NSMCE2: variants seen among roughly 807,000 people sequenced by gnomAD.
The protein encoded by NSMCE2 is E3 SUMO-protein ligase NSE2.
NSMCE2 carries 24 observed loss-of-function variants against 23.8 expected under a neutral mutation model. The observed-to-expected ratio is 1.01, with a 90% CI of 0.73 to 1.42. NSMCE2 has a LOEUF of 1.42. Among genes scored for constraint, NSMCE2 ranks in the 40% most tolerant of loss-of-function variants. The pLI, the probability that NSMCE2 is intolerant of heterozygous loss-of-function variation, is 0.00. For missense variants in NSMCE2, 284 were observed against 296.5 expected (o/e 0.96, Z 0.31); for synonymous variants, 92 against 94.1 (o/e 0.98, Z 0.13).
intron 5 of NSMCE2, among the ~76,000 whole-genome samples, chr8:125,269,580 G>A (rs1419440791): frequency 6.6e-6 from 1 of 152,162 alleles, no homozygotes; most frequent in Non-Finnish European, 1.5e-5. Flanking sequence ...TACAGCAGGG[G>A]TCTGATGAAT....
At chr8:125,166,106 T>C (rs1821862154) in intron 4 of NSMCE2, among the ~76,000 whole-genome samples, 1 of 152,216 alleles carries the variant, frequency 6.6e-6, no homozygotes, top group Admixed American at 6.5e-5. Context: ...TGTGGTATAG[T>C]GTAAAGACAA....
chr8:125,236,244 C>G (rs1282628979), intron 5 of NSMCE2, among the ~76,000 whole-genome samples: 1 of 151,980 alleles, frequency 6.6e-6, no homozygotes, highest in African/African-American at 2.4e-5. Flanking sequence ...TAGTTATAGA[C>G]CTGGTGGTAG....
chr8:125,101,463 A>C (rs1358395754), intron 1 of NSMCE2, among the ~76,000 whole-genome samples: 1 of 152,210 alleles, frequency 6.6e-6, no homozygotes, highest in African/African-American at 2.4e-5. Flanking sequence ...AGCAGTCTTC[A>C]TGTTATGTCT....
intron 5 of NSMCE2, among the ~76,000 whole-genome samples, chr8:125,311,126 C>T (rs1828958377): frequency 6.6e-6 from 1 of 152,138 alleles, no homozygotes; most frequent in Non-Finnish European, 1.5e-5. Context: ...GCTCTGGGGA[C>T]CATATTGAGG....
chr8:125,349,062 C>T (rs1338801229), intron 5 of NSMCE2, among the ~76,000 whole-genome samples: 1 of 135,842 alleles, frequency 7.4e-6, no homozygotes, highest in Admixed American at 7.5e-5. Flanking sequence ...CACACACACA[C>T]AGAGCTCTTA....
intron 5 of NSMCE2, among the ~76,000 whole-genome samples, chr8:125,313,186 G>A: frequency 7.4e-6 from 1 of 135,470 alleles, no homozygotes; most frequent in Non-Finnish European, 1.6e-5. Context: ...GAAGGAAGGA[G>A]AAAGAAAGAG....
chr8:125,258,841 C>T (rs1371128279), intron 5 of NSMCE2, among the ~76,000 whole-genome samples: 1 of 152,194 alleles, frequency 6.6e-6, no homozygotes, highest in Non-Finnish European at 1.5e-5. Context: ...TTCCTTGGTA[C>T]AAGACATTGT....
In NSMCE2 at chr8:125,225,322, C is replaced by T. The variant is rs534056489; in HGVS notation, c.418+43066C>T. Among the ~76,000 whole-genome samples the T allele has an allele frequency of 4.6e-4, 70 of 152,298 alleles. 1 individual carries two copies. The highest frequency in any genetic ancestry group is 1.4e-3 in the African/African-American group (58 of 41,562). ...CAGTGGGTCTCCTTTCATCTTGTGG[C>T]TCTTTTAAGCTCTCTAACAACCTCT... On this transcript the variant is annotated intron_variant, in intron 5 of 7. Coordinates refer to ENST00000287437, the MANE Select transcript of NSMCE2 (RefSeq NM_173685.4).
chr8:125,337,328 A>G (rs185466817), intron 5 of NSMCE2, among the ~76,000 whole-genome samples: 143 of 152,328 alleles, frequency 9.4e-4, no homozygotes, highest in Non-Finnish European at 1.7e-3. Context: ...TCTTCTTTGT[A>G]GTCCATTGAC....
intron 5 of NSMCE2, among the ~76,000 whole-genome samples, chr8:125,313,966 A>G (rs1169824839): frequency 6.6e-6 from 1 of 152,208 alleles, no homozygotes; most frequent in Non-Finnish European, 1.5e-5. Context: ...TGCATGAGCA[A>G]CTTTAGGCTA....
chr8:125,260,783 C>T (rs1826659573), intron 5 of NSMCE2, among the ~76,000 whole-genome samples: 1 of 151,684 alleles, frequency 6.6e-6, no homozygotes, highest in African/African-American at 2.4e-5. Flanking sequence ...CACCACCACA[C>T]CCAGCTAATT....
intron 3 of NSMCE2, among the ~76,000 whole-genome samples, chr8:125,128,364 A>G (rs555473979): frequency 1.3e-4 from 20 of 152,232 alleles, no homozygotes; most frequent in African/African-American, 4.1e-4. Context: ...GTGGTAAGGG[A>G]TTGATGAGAA....
In NSMCE2 at chr8:125,242,775, C is replaced by A. The variant is rs560519321; in HGVS notation, c.418+60519C>A. ...ACTAGAGAACAGAGTCCCCCACTCA[C>A]AGCACAAACGCATACCCATGCGATG... On this transcript the variant is annotated intron_variant, in intron 5 of 7. Coordinates refer to ENST00000287437, the MANE Select transcript of NSMCE2 (RefSeq NM_173685.4). 7.7e-4 allele frequency among the ~76,000 whole-genome samples: 118 copies of A among 152,292 alleles called. 4 individuals are homozygous for A. In the South Asian group the frequency reaches 0.019, roughly 25 times the overall value.
intron 3 of NSMCE2, among the ~76,000 whole-genome samples, chr8:125,116,532 G>A (rs2130463937): frequency 6.6e-6 from 1 of 152,308 alleles, no homozygotes; most frequent in South Asian, 2.1e-4. Flanking sequence ...ATTATGGATA[G>A]TTGCTTTTAT....
intron 5 of NSMCE2, among the ~76,000 whole-genome samples, chr8:125,352,726 C>T (rs1813091167): frequency 6.6e-6 from 1 of 152,140 alleles, no homozygotes; most frequent in African/African-American, 2.4e-5. Context: ...TTTTCTCTCC[C>T]ATCTTCCTTT....
chr8:125,345,673 G>A (rs1211462324), intron 5 of NSMCE2, among the ~76,000 whole-genome samples: 1 of 152,242 alleles, frequency 6.6e-6, no homozygotes, highest in African/African-American at 2.4e-5. Context: ...TGCCTGAATT[G>A]AGTCTTGGAG....
At position 125,362,664 on chromosome 8, in the gene NSMCE2, CA is replaced by C. The variant is rs559541725; in HGVS notation, c.627-4103del. On this transcript the variant is annotated intron_variant, in intron 7 of 7. Transcript: ENST00000287437. ...AGTCACTTACCCAGAGTGACACAGC[CA>C]GGGGGTTTAAGCCCAGGTCTTTCTC... is the stretch of plus-strand genomic sequence containing the variant. Among the ~76,000 whole-genome samples the C allele has an allele frequency of 1.8e-4, 28 of 152,306 alleles. No homozygotes were observed. The South Asian group carries it at 5.6e-3, about 30-fold the overall frequency.
chr8:125,156,992 A>C (rs539737198), intron 4 of NSMCE2, among the ~76,000 whole-genome samples: 1 of 152,278 alleles, frequency 6.6e-6, no homozygotes, highest in South Asian at 2.1e-4. Flanking sequence ...CTCCCTTAGA[A>C]AGCTAATAAT....
At chr8:125,249,509 A>G (rs1173916157) in intron 5 of NSMCE2, among the ~76,000 whole-genome samples, 1 of 152,208 alleles carries the variant, frequency 6.6e-6, no homozygotes, top group Non-Finnish European at 1.5e-5. Flanking sequence ...CTTTGAAAAA[A>G]TTTTGGGCAA....
Sources: gnomAD v4.1 joint callset for allele counts (sites outside exome capture counted in the v4.1 genomes callset) on GRCh38, gnomAD v4.1.1 for gene constraint, MANE v1.5 for transcripts, NCBI Gene and HGNC (gene_info 2026-07-23, HGNC 2026-07-21) for gene names.